The following CEP128 variants were observed in gnomAD, a reference collection of about 807,000 sequenced individuals.
CEP128 encodes centrosomal protein 128, also known as centrosomal protein 128kDa.
Under a neutral mutation model 156.7 loss-of-function variants are expected in CEP128, and 132 were observed. The ratio of observed to expected loss-of-function variants is 0.84; its 90% CI spans 0.73 to 0.97. The LOEUF (loss-of-function observed/expected upper bound fraction) is 0.97. Among genes scored for constraint, CEP128 ranks in the 50% least tolerant of loss-of-function variants. The pLI is 0.00. For missense variants in CEP128, 1,252 were observed against 1,281.9 expected (o/e 0.98, Z 0.36); for synonymous variants, 469 against 448.9 (o/e 1.04, Z -0.57).
intron 19 of CEP128, among the ~76,000 whole-genome samples, chr14:80,593,546 C>CAAAAAAAA (rs780221928): frequency 1.3e-5 from 1 of 77,838 alleles, no homozygotes. Flanking sequence ...GACTCCATCT[C>CAAAAAAAA]AAAAAAAAAA....
Position 80,878,353 on chromosome 14 carries a change from C to T in CEP128, c.646-15480G>A, listed in dbSNP as rs115074560. On this transcript the variant is annotated intron_variant, in intron 8 of 24. Transcript: ENST00000555265. ...GATTAGCCCTCTACTGTCTAAGCTA[C>T]TCAGGCACCTCACCTCTTCAAGGAA... 6.9e-3 allele frequency among the ~76,000 whole-genome samples: 1,057 copies of T among 152,288 alleles called. 10 individuals are homozygous for T. Among genetic ancestry groups the T allele is most frequent in the African/African-American group, 0.024 (997 of 41,562 alleles).
intron 13 of CEP128, among the ~76,000 whole-genome samples, chr14:80,794,787 T>C (rs554865321): frequency 6.6e-6 from 1 of 152,080 alleles, no homozygotes; most frequent in Non-Finnish European, 1.5e-5. Flanking sequence ...TGCTAAAACA[T>C]GATGGAGAGT....
At position 80,785,588 on chromosome 14, in the gene CEP128, T is replaced by C. The variant is rs370664380; in HGVS notation, c.1561-43A>G. 3.7e-3 allele frequency: 5,273 copies of C among 1,435,044 alleles called. 16 individuals are homozygous for C. Among genetic ancestry groups the C allele is most frequent in the Middle Eastern group, 8.4e-3 (43 of 5,134 alleles). The allele number at this position is 1,435,044 out of a possible 1,614,324, so 88.9% of individuals were successfully genotyped here. On this transcript the variant is annotated intron_variant, in intron 14 of 24. Transcript: ENST00000555265. ...TGAAGCAAAAGAAAAAAATAAAAGT[T>C]ACTGTAAAATTCACCATAGACTCTG...
chr14:80,742,839 A>G (rs1898901621), intron 19 of CEP128: 1 of 481,338 alleles, frequency 2.1e-6, no homozygotes, highest in Admixed American at 3.8e-5. Flanking sequence ...TTATCAATTA[A>G]TTCCTGCACA....
chr14:80,840,218 G>A lies in CEP128; in HGVS notation c.849+464C>T, dbSNP rs557929771. 4.5e-4 allele frequency among the ~76,000 whole-genome samples: 69 copies of A among 152,080 alleles called. 1 individual carries two copies. The highest frequency in any genetic ancestry group is 1.6e-3 in the African/African-American group (67 of 41,506). On this transcript the variant is annotated intron_variant, in intron 10 of 24. Transcript: ENST00000555265. ...CTAACTCTAAAGTGCTAAGCTCTAC[G>A]TGTTCATAGAAATGAACACACAGTT...
intron 9 of CEP128, among the ~76,000 whole-genome samples, chr14:80,848,213 G>A (rs1271385469): frequency 6.6e-6 from 1 of 152,200 alleles, no homozygotes; most frequent in Non-Finnish European, 1.5e-5. Context: ...TTCTGAACAT[G>A]AGCGCACAAA....
intron 9 of CEP128, among the ~76,000 whole-genome samples, chr14:80,849,195 T>C (rs918369557): frequency 1.3e-5 from 2 of 152,152 alleles, no homozygotes; most frequent in Non-Finnish European, 1.5e-5. Flanking sequence ...TTTTAAAATA[T>C]AAAACAAATT....
chr14:80,887,457 A>G (rs959744211), intron 8 of CEP128, among the ~76,000 whole-genome samples: 4 of 152,206 alleles, frequency 2.6e-5, no homozygotes, highest in Non-Finnish European at 4.4e-5. Flanking sequence ...TCACATTAGA[A>G]CTCAGGATTA....
At chr14:80,548,623 T>C (rs892473907) in intron 21 of CEP128, among the ~76,000 whole-genome samples, 2 of 152,220 alleles carry the variant, frequency 1.3e-5, no homozygotes, top group African/African-American at 2.4e-5. Context: ...TCATATTATC[T>C]TCACAATATA....
Position 80,809,768 on chromosome 14 carries a change from T to C in CEP128, c.1210-16658A>G, listed in dbSNP as rs978772262. On this transcript the variant is annotated intron_variant, in intron 13 of 24. Coordinates refer to ENST00000555265, the MANE Select transcript of CEP128 (RefSeq NM_152446.5). Reference sequence around the variant, plus strand: ...AACCAATAATATTATTTTTCATATATAAAAAAAAATTGTCTCACAGACAAG... The same window carrying C: ...AACCAATAATATTATTTTTCATATACAAAAAAAAATTGTCTCACAGACAAG... Among the ~76,000 whole-genome samples the C allele has an allele frequency of 2.6e-5, 4 of 150,948 alleles. No homozygotes were observed. In the East Asian group the frequency reaches 5.8e-4, roughly 22 times the overall value.
At chr14:80,728,612 A>G (rs1301595246) in intron 19 of CEP128, among the ~76,000 whole-genome samples, 2 of 152,210 alleles carry the variant, frequency 1.3e-5, no homozygotes, top group African/African-American at 4.8e-5. Flanking sequence ...CTCTGTAAAA[A>G]GCATTTTTAT....
intron 19 of CEP128, among the ~76,000 whole-genome samples, chr14:80,651,412 C>A (rs1191533214): frequency 2.0e-5 from 3 of 152,002 alleles, no homozygotes; most frequent in Non-Finnish European, 4.4e-5. Flanking sequence ...ATGTCTCTAT[C>A]TCCTTCAGTT....
chr14:80,558,687 T>C (rs564865196), intron 21 of CEP128, among the ~76,000 whole-genome samples: 3 of 152,200 alleles, frequency 2.0e-5, no homozygotes, highest in African/African-American at 4.8e-5. Flanking sequence ...CCTCCCAGAG[T>C]GCTGGGATTA....
In CEP128 at chr14:80,831,226, C is replaced by T. The variant is rs769253255; in HGVS notation, c.1126G>A (p.Ala376Thr). Residue 376 changes from alanine to threonine, a missense_variant, in exon 13 of 25, where the codon GCA becomes ACA. Coordinates refer to ENST00000555265, the MANE Select transcript of CEP128 (RefSeq NM_152446.5). Reference protein sequence around the residue: ...SDLRVQLNFSAMASELEEVKR... With the variant: ...SDLRVQLNFSTMASELEEVKR... The stretch of plus-strand genomic sequence containing the variant: ...ACTTCCTCTAACTCAGATGCCATTG[C>T]GCTGAAGTTCAGCTGCACTCTCAAA... 5.0e-6 allele frequency: 8 copies of T among 1,613,724 alleles called. No homozygotes were observed. Among genetic ancestry groups the T allele is most frequent in the Middle Eastern group, 1.6e-4 (1 of 6,084 alleles).
chr14:80,606,072 G>T (rs1475692984), intron 19 of CEP128, among the ~76,000 whole-genome samples: 4 of 151,818 alleles, frequency 2.6e-5, no homozygotes, highest in African/African-American at 9.7e-5. Flanking sequence ...TGGTTTTCAT[G>T]GATAATCTCA....
chr14:80,895,869 A>T, intron 7 of CEP128, 79 bp from the exon 8 acceptor site: 14 of 970,006 alleles, frequency 1.4e-5, no homozygotes, highest in South Asian at 1.9e-5. Context: ...ATAACATGAT[A>T]ATTATGTTAT....
At chr14:80,743,858 TTCTC>T (rs138602333) in intron 18 of CEP128, among the ~76,000 whole-genome samples, 6 of 150,844 alleles carry the variant, frequency 4.0e-5, no homozygotes, top group Admixed American at 1.3e-4. Flanking sequence ...CTTTCTTTCT[TTCTC>T]TCTCTCTCTC....
chr14:80,950,906 G>GA (rs59969729), intron 2 of CEP128, among the ~76,000 whole-genome samples: 1,269 of 115,036 alleles, frequency 0.011, 25 homozygotes, highest in African/African-American at 0.022. Flanking sequence ...TCCCGAGTAA[G>GA]AAAAAAAAAA....
intron 23 of CEP128, among the ~76,000 whole-genome samples, chr14:80,507,781 G>A (rs968475743): frequency 6.6e-6 from 1 of 151,962 alleles, no homozygotes; most frequent in African/African-American, 2.4e-5. Context: ...ACCAGAGGAA[G>A]GATGAATTAA....
Sources: gnomAD v4.1 joint callset for allele counts (sites outside exome capture counted in the v4.1 genomes callset) on GRCh38, gnomAD v4.1.1 for gene constraint, MANE v1.5 for transcripts, NCBI Gene and HGNC (gene_info 2026-07-23, HGNC 2026-07-21) for gene names.